Variants in NIPBL observed in about 807,000 individuals in gnomAD.
The protein encoded by NIPBL is nipped-B-like protein.
NIPBL carries 19 observed loss-of-function variants against 321.8 expected under a neutral mutation model. The ratio of observed to expected loss-of-function variants is 0.06; its 90% CI spans 0.04 to 0.09. The LOEUF is 0.09. Among genes scored for constraint, NIPBL ranks in the 10% least tolerant of loss-of-function variants. The pLI is 1.00. For synonymous variants in NIPBL, 1,106 were observed against 1,114.1 expected (o/e 0.99, Z 0.14); for missense variants, 2,210 against 3,327.0 (o/e 0.66, Z 8.26).
Position 37,051,765 on chromosome 5 carries a change from T to G in NIPBL, c.6955-14T>G, listed in dbSNP as rs1205630741. 6.3e-7 allele frequency: 1 copy of G among 1,583,900 alleles called. No individual in the cohort carries two copies. Among genetic ancestry groups the G allele is most frequent in the African/African-American group, 1.3e-5 (1 of 74,290 alleles). On this transcript the variant is annotated splice_polypyrimidine_tract_variant and intron_variant, in intron 40 of 46. Transcript: ENST00000282516. ...ACTACCATGATATCTCGTAATTTTT[T>G]TTTTTATTTCCAGTGTGTGCCATAT...
chr5:36,980,293 G>T (rs984352465), intron 9 of NIPBL, among the ~76,000 whole-genome samples: 4 of 151,658 alleles, frequency 2.6e-5, no homozygotes, highest in African/African-American at 9.7e-5. Flanking sequence ...GAGCAGAGTT[G>T]ACATTCAATT....
chr5:37,037,592 C>T (rs1023457792), intron 33 of NIPBL, among the ~76,000 whole-genome samples: 5 of 149,854 alleles, frequency 3.3e-5, no homozygotes, highest in African/African-American at 1.2e-4. Flanking sequence ...ATGGCACCTA[C>T]GGAAGTTGTT....
chr5:36,944,186 C>A (rs1739415230), intron 1 of NIPBL, among the ~76,000 whole-genome samples: 1 of 151,900 alleles, frequency 6.6e-6, no homozygotes, highest in Non-Finnish European at 1.5e-5. Context: ...ATGTTTTATG[C>A]TGATTGGAAT....
At chr5:36,910,310 T>G (rs1747950357) in intron 1 of NIPBL, among the ~76,000 whole-genome samples, 1 of 152,188 alleles carries the variant, frequency 6.6e-6, no homozygotes, top group Non-Finnish European at 1.5e-5. Context: ...ACTGCACAGT[T>G]GCACTTGCAG....
intron 42 of NIPBL, among the ~76,000 whole-genome samples, chr5:37,056,105 A>G (rs76530587): frequency 0.12 from 18,706 of 152,198 alleles, 1,248 homozygotes; most frequent in Admixed American, 0.19. Flanking sequence ...ATTTTCTTCA[A>G]TATTATATGA....
At chr5:36,932,342 T>C (rs1490010482) in intron 1 of NIPBL, among the ~76,000 whole-genome samples, 1 of 152,226 alleles carries the variant, frequency 6.6e-6, no homozygotes, top group Non-Finnish European at 1.5e-5. Flanking sequence ...TTCTGTCGGT[T>C]TGTGCTTCAT....
At chr5:37,042,448 C>CA (rs1752508733) in intron 34 of NIPBL, among the ~76,000 whole-genome samples, 1 of 150,586 alleles carries the variant, frequency 6.6e-6, no homozygotes, top group African/African-American at 2.4e-5. Flanking sequence ...AAAAAAAGTC[C>CA]AAAATCTATG....
At chr5:36,935,848 G>A (rs1458699625) in intron 1 of NIPBL, among the ~76,000 whole-genome samples, 2 of 151,878 alleles carry the variant, frequency 1.3e-5, no homozygotes, top group Non-Finnish European at 2.9e-5. Context: ...CTTAACTTGT[G>A]GCTACCTAAA....
chr5:37,011,041 C>T (rs1748056759), intron 21 of NIPBL, among the ~76,000 whole-genome samples: 1 of 152,140 alleles, frequency 6.6e-6, no homozygotes, highest in African/African-American at 2.4e-5. Flanking sequence ...TTATAATTAA[C>T]ATTAAATTCA....
intron 6 of NIPBL, among the ~76,000 whole-genome samples, chr5:36,966,994 A>G (rs1333227512): frequency 6.6e-6 from 1 of 152,012 alleles, no homozygotes; most frequent in Non-Finnish European, 1.5e-5. Context: ...ATATAAGAGA[A>G]CATAAATATA....
rs1012105948 is a variant in NIPBL at position 37,061,089 on chromosome 5, G to A, written c.7860+71G>A. 4 of 1,126,088 alleles carry A rather than the reference G, an allele frequency of 3.6e-6. No individual in the cohort carries two copies. In the African/African-American group the frequency reaches 6.1e-5, roughly 17 times the overall value. The allele number at this position is 1,126,088 out of a possible 1,614,324, so 69.8% of individuals were successfully genotyped here. A position where few individuals can be genotyped will look rare whatever the true frequency, so the allele number is the denominator to read the frequency against. ...TGACAAGTAAATGTGGGGGGCCGGT[G>A]GGGAGATAACTATCTCCTTCACATT... On this transcript the variant is annotated intron_variant, in intron 45 of 46. Coordinates refer to ENST00000282516, the MANE Select transcript of NIPBL (RefSeq NM_133433.4).
intron 44 of NIPBL, 132 bp downstream of exon 44, chr5:37,059,297 A>G (rs939725946): frequency 7.9e-6 from 7 of 880,666 alleles, no homozygotes; most frequent in Non-Finnish European, 1.1e-5. Context: ...CCCTGAGGTC[A>G]GGAGTTCGAG....
intron 4 of NIPBL, among the ~76,000 whole-genome samples, chr5:36,959,209 A>T (rs761226175): frequency 2.0e-5 from 3 of 152,194 alleles, no homozygotes; most frequent in Non-Finnish European, 2.9e-5. Flanking sequence ...CCTGTCTCCA[A>T]ACAAAAAGAA....
rs1202393322 is a variant in NIPBL, at chr5:37,020,864, T to C, written c.5315T>C (p.Ile1772Thr). 1.2e-6 allele frequency: 2 copies of C among 1,610,622 alleles called. No homozygotes were observed. Among genetic ancestry groups the C allele is most frequent in the African/African-American group, 1.3e-5 (1 of 75,004 alleles). Residue 1772 changes from isoleucine (I) to threonine (T), a missense_variant, in exon 27 of 47, where the codon ATT (isoleucine) becomes ACT (threonine). Physicochemically the swap from Ile to Thr is moderately conservative, Grantham distance 89. Transcript: ENST00000282516. ...AGGCCGTTTGCCCAGAGCTTTGATA[T>C]TTATTTGACACAGGTAAACTGGATA... ...SMRPFAQSFD[I>T]YLTQILRVLG... is the part of the protein sequence containing the mutation.
intron 10 of NIPBL, among the ~76,000 whole-genome samples, chr5:36,993,773 T>A (rs536026237): frequency 4.0e-5 from 6 of 151,760 alleles, no homozygotes; most frequent in East Asian, 1.9e-4. Context: ...AAAAAAAAAA[T>A]TTGTATTCTT....
At chr5:36,966,933 C>A (rs865784071) in intron 6 of NIPBL, among the ~76,000 whole-genome samples, 4 of 151,630 alleles carry the variant, frequency 2.6e-5, no homozygotes, top group African/African-American at 9.7e-5. Context: ...TCTAAGCAGA[C>A]CGAAAACCTC....
At chr5:36,932,786 T>TTTG (rs1561401380) in intron 1 of NIPBL, among the ~76,000 whole-genome samples, 1 of 148,542 alleles carries the variant, frequency 6.7e-6, no homozygotes, top group East Asian at 1.9e-4. Context: ...CTGTTTTTTT[T>TTTG]TTTTTTTTTT....
intron 22 of NIPBL, 75 bp downstream of exon 22, chr5:37,014,840 AT>A: frequency 1.1e-6 from 1 of 892,938 alleles, no homozygotes; most frequent in Non-Finnish European, 1.9e-6. Flanking sequence ...AAAAAGATGA[AT>A]CCAATTTCCT....
intron 22 of NIPBL, among the ~76,000 whole-genome samples, chr5:37,015,502 A>G (rs561384895): frequency 1.2e-4 from 19 of 152,164 alleles, no homozygotes; most frequent in African/African-American, 3.4e-4. Context: ...TGGAAGACCA[A>G]GGCAGGTGGA....
Sources: gnomAD v4.1 joint callset for allele counts (sites outside exome capture counted in the v4.1 genomes callset) on GRCh38, gnomAD v4.1.1 for gene constraint, MANE v1.5 for transcripts, NCBI Gene and HGNC (gene_info 2026-07-23, HGNC 2026-07-21) for gene names.